The following MYO16 variants were observed in gnomAD, a reference collection of about 807,000 sequenced individuals.
MYO16 encodes unconventional myosin-XVI.
In MYO16, 94 loss-of-function variants were observed where a neutral mutation model predicts 205.3. The ratio of observed to expected loss-of-function variants is 0.46; its 90% CI spans 0.39 to 0.54. MYO16 has a LOEUF of 0.54. Among genes scored for constraint, MYO16 ranks in the 20% least tolerant of loss-of-function variants. The pLI, the probability that MYO16 is intolerant of heterozygous loss-of-function variation, is 0.00. For synonymous variants in MYO16, 988 were observed against 954.0 expected, an observed-to-expected ratio of 1.04 and a Z score of -0.66; for missense variants, 2,315 against 2,387.5, an observed-to-expected ratio of 0.97 and a Z score of 0.63.
At position 108,855,528 on chromosome 13, in the gene MYO16, A is replaced by G; in HGVS notation, c.1334A>G (p.Lys445Arg). The G allele has an allele frequency of 6.3e-7, 1 of 1,593,146 alleles. No individual in the cohort carries two copies. Among genetic ancestry groups the G allele is most frequent in the East Asian group, 2.2e-5 (1 of 44,548 alleles). Reference protein sequence around the residue: ...NDGSLLYEIQKRFGNNQIYTF... With the variant: ...NDGSLLYEIQRRFGNNQIYTF... ...GGCAGCCTGCTCTATGAGATTCAGA[A>G]GCGCTTTGGGAACAATCAGATCTAT... The change falls in exon 11 of 35, where the codon AAG (lysine) becomes AGG (arginine). Residue 445 changes from lysine (K) to arginine (R), a missense_variant. Lys to Arg is a conservative substitution (Grantham distance 26, BLOSUM62 2). This residue lies in a region of MYO16 where 1,213 missense variants were observed against 1,274.4 expected (regional missense o/e 0.95). Coordinates refer to ENST00000457511, the MANE Select transcript of MYO16 (RefSeq NM_001198950.3).
Position 108,819,555 on chromosome 13 carries a change from T to TA in MYO16, c.868-774dup, listed in dbSNP as rs554138757. On this transcript the variant is annotated intron_variant, in intron 7 of 34. Transcript: ENST00000457511. ...GGGGAGAAACACATGAAGATGTCAT[T>TA]AAAAAAAATGTTGAGTACATATTTT... is the stretch of plus-strand genomic sequence containing the variant. Among the ~76,000 whole-genome samples, 325 of 151,982 alleles carry TA rather than the reference T, an allele frequency of 2.1e-3. 2 individuals carry two copies. Among genetic ancestry groups the TA allele is most frequent in the African/African-American group, 7.5e-3 (312 of 41,492 alleles).
At position 109,009,052 on chromosome 13, in the gene MYO16, A is replaced by G; in HGVS notation, c.2595+3A>G. On this transcript the variant is annotated splice_donor_region_variant and intron_variant, in intron 22 of 34. Coordinates refer to ENST00000457511, the MANE Select transcript of MYO16 (RefSeq NM_001198950.3). ...GAGTTTTGGACTTTTTTTTCCAGGT[A>G]TTCATATAATATAATTAGATACTTA... The G allele has an allele frequency of 6.3e-7, 1 of 1,580,056 alleles. No individual in the cohort carries two copies. The highest frequency in any genetic ancestry group is 2.2e-5 in the East Asian group (1 of 44,560).
At chr13:108,864,463 A>G (rs1252508265) in intron 11 of MYO16, among the ~76,000 whole-genome samples, 1 of 152,182 alleles carries the variant, frequency 6.6e-6, no homozygotes, top group Non-Finnish European at 1.5e-5. Context: ...CTTTTTAATT[A>G]AAATAACCTA....
At chr13:108,628,292 C>T (rs548618814), upstream of MYO16, among the ~76,000 whole-genome samples, 3 of 152,270 alleles carry the variant, frequency 2.0e-5, no homozygotes, top group South Asian at 4.1e-4. Flanking sequence ...ATGAAGGCTG[C>T]AAATCCTCAT....
At chr13:108,807,924 G>A (rs1887163770) in intron 7 of MYO16, among the ~76,000 whole-genome samples, 1 of 152,060 alleles carries the variant, frequency 6.6e-6, no homozygotes, top group African/African-American at 2.4e-5. Flanking sequence ...TGAAAAGCAG[G>A]GAAATGAGTA....
intron 16 of MYO16, among the ~76,000 whole-genome samples, chr13:108,943,433 A>T (rs552617367): frequency 5.5e-4 from 84 of 152,250 alleles, no homozygotes; most frequent in Admixed American, 2.6e-3. Flanking sequence ...AAAATGTCAA[A>T]TGAACCTTGT....
At chr13:108,516,220 G>T in the MYO16 span, among the ~76,000 whole-genome samples, 1 of 151,988 alleles carries the variant, frequency 6.6e-6, no homozygotes. Context: ...CAATATTCGG[G>T]TGGGAGTGAC....
intron 34 of MYO16, among the ~76,000 whole-genome samples, chr13:109,188,590 T>C (rs755432376): frequency 3.3e-5 from 5 of 152,144 alleles, no homozygotes; most frequent in Non-Finnish European, 7.3e-5. Flanking sequence ...TTAGGGAGAA[T>C]TGACTCAACA....
At chr13:108,656,765 C>T (rs898528703) in intron 1 of MYO16, among the ~76,000 whole-genome samples, 1 of 152,138 alleles carries the variant, frequency 6.6e-6, no homozygotes, top group Non-Finnish European at 1.5e-5. Flanking sequence ...TCCATTCATG[C>T]CCATAATAGA....
chr13:108,840,560 C>A (rs1294483915), intron 9 of MYO16, among the ~76,000 whole-genome samples: 1 of 152,098 alleles, frequency 6.6e-6, no homozygotes, highest in Non-Finnish European at 1.5e-5. Flanking sequence ...TTTTTTGAGA[C>A]CAGGTATCAC....
the MYO16 span, among the ~76,000 whole-genome samples, chr13:108,538,113 G>C: frequency 1.3e-5 from 2 of 152,054 alleles, no homozygotes; most frequent in East Asian, 1.9e-4. Context: ...TTTTTTCTAG[G>C]TTTCCTTCTA....
Position 108,957,465 on chromosome 13 carries a change from C to T in MYO16, c.1926-223C>T, listed in dbSNP as rs79545490. On this transcript the variant is annotated intron_variant, in intron 16 of 34. Transcript: ENST00000457511. ...GGAAAGGTGCAGCTAAGATGAAAAC[C>T]GAGTAAAGCAATGTAAATATGTCCT... 2.1e-3 allele frequency among the ~76,000 whole-genome samples: 314 copies of T among 151,018 alleles called. 2 individuals are homozygous for T. The highest frequency in any genetic ancestry group is 6.8e-3 in the African/African-American group (278 of 41,130).
At chr13:108,499,931 G>C in the MYO16 span, among the ~76,000 whole-genome samples, 2 of 152,032 alleles carry the variant, frequency 1.3e-5, no homozygotes, top group African/African-American at 4.8e-5. Flanking sequence ...GCTCTCCTCA[G>C]CCTGGCTTCT....
chr13:109,031,418 T>C (rs1886544137), intron 23 of MYO16, among the ~76,000 whole-genome samples: 1 of 152,222 alleles, frequency 6.6e-6, no homozygotes, highest in Non-Finnish European at 1.5e-5. Context: ...TTTAGTTTTT[T>C]TGTTTCTCTG....
At chr13:108,929,968 G>T (rs1339481497) in intron 16 of MYO16, among the ~76,000 whole-genome samples, 1 of 152,058 alleles carries the variant, frequency 6.6e-6, no homozygotes, top group Non-Finnish European at 1.5e-5. Flanking sequence ...AATAAGAATA[G>T]ATCTATAAAC....
At chr13:108,721,879 G>A (rs1884177824) in intron 3 of MYO16, among the ~76,000 whole-genome samples, 1 of 152,122 alleles carries the variant, frequency 6.6e-6, no homozygotes, top group Admixed American at 6.6e-5. Flanking sequence ...TTCCATGGAG[G>A]GGAGTAATCT....
the MYO16 span, among the ~76,000 whole-genome samples, chr13:108,501,404 A>C: frequency 1.2e-4 from 18 of 152,124 alleles, no homozygotes; most frequent in African/African-American, 4.3e-4. Flanking sequence ...CACCTTATTC[A>C]TCCTCTGACT....
chr13:109,128,862 C>G (rs35843577), intron 31 of MYO16, among the ~76,000 whole-genome samples: 1 of 149,610 alleles, frequency 6.7e-6, no homozygotes, highest in African/African-American at 2.5e-5. Context: ...ACCTCCGCCT[C>G]TGGGGTTCAA....
At chr13:108,666,384 ATT>A (rs200156824) in intron 2 of MYO16, among the ~76,000 whole-genome samples, 6 of 148,518 alleles carry the variant, frequency 4.0e-5, no homozygotes, top group African/African-American at 1.5e-4. Context: ...GTGAGATTGT[ATT>A]TTTTTTTTTA....
Sources: allele counts gnomAD v4.1 joint callset (sites outside exome capture counted in the v4.1 genomes callset), GRCh38; gene constraint gnomAD v4.1.1; regional missense constraint gnomAD v4.1.1; transcripts MANE v1.5; gene names NCBI Gene and HGNC (gene_info 2026-07-23, HGNC 2026-07-21).